The following CEP162 variants were observed in gnomAD, a reference collection of about 807,000 sequenced individuals.
CEP162 encodes the protein centrosomal protein 162.
A neutral mutation model predicts 169.2 loss-of-function variants in CEP162; 141 were observed. The observed-to-expected ratio is 0.83, with a 90% CI of 0.73 to 0.96. The LOEUF is 0.96. Ranked by LOEUF, CEP162 falls within the 40% of genes least tolerant of loss-of-function variation. CEP162 has a pLI of 0.00. For synonymous variants in CEP162, 540 were observed against 526.4 expected (o/e 1.03, Z -0.35); for missense variants, 1,600 against 1,587.2 (o/e 1.01, Z -0.14).
intron 7 of CEP162, among the ~76,000 whole-genome samples, chr6:84,203,578 G>C (rs2099545515): frequency 6.6e-6 from 1 of 152,044 alleles, no homozygotes; most frequent in South Asian, 2.1e-4. Flanking sequence ...CTAAGTAGCT[G>C]GGACTACAGG....
intron 25 of CEP162, among the ~76,000 whole-genome samples, chr6:84,137,273 T>A (rs923955421): frequency 6.6e-6 from 1 of 152,214 alleles, no homozygotes; most frequent in Non-Finnish European, 1.5e-5. Context: ...TGTGGCCTTA[T>A]GGTTGTTGTG....
intron 24 of CEP162, 92 bp from the exon 25 acceptor site, chr6:84,146,877 T>C: frequency 1.8e-6 from 1 of 556,656 alleles, no homozygotes; most frequent in South Asian, 3.2e-5. Context: ...AAGGGAACTC[T>C]TATATACTGT....
intron 5 of CEP162, among the ~76,000 whole-genome samples, chr6:84,213,474 C>A (rs2050033331): frequency 6.6e-6 from 1 of 152,084 alleles, no homozygotes; most frequent in Non-Finnish European, 1.5e-5. Context: ...TGAATAGGAG[C>A]CTTAAAACAA....
intron 13 of CEP162, among the ~76,000 whole-genome samples, chr6:84,177,491 TCCTGCCTCCCA>T (rs1392778565): frequency 2.6e-5 from 4 of 152,158 alleles, no homozygotes; most frequent in Non-Finnish European, 5.9e-5. Flanking sequence ...CACTGTGCTG[TCCTGCCTCCCA>T]CCCAGAGGTT....
intron 24 of CEP162, among the ~76,000 whole-genome samples, chr6:84,147,521 T>C (rs2129198804): frequency 6.6e-6 from 1 of 152,162 alleles, no homozygotes; most frequent in Non-Finnish European, 1.5e-5. Context: ...TGATGAACAC[T>C]CAAGGTGACA....
intron 15 of CEP162, 30 bp downstream of exon 15, chr6:84,174,696 TA>T: frequency 3.9e-6 from 4 of 1,025,332 alleles, no homozygotes; most frequent in Non-Finnish European, 5.6e-6. Context: ...TTAATAAATA[TA>T]AAAAAATACC....
chr6:84,193,601 A>T lies in CEP162; in HGVS notation c.1109+8T>A. ...CCAATGACAAAACAATAAATAAAAA[A>T]TTCATACCTGACAGGTTGTAAATCA... On this transcript the variant is annotated splice_region_variant and intron_variant, in intron 11 of 26. Coordinates refer to ENST00000403245, the MANE Select transcript of CEP162 (RefSeq NM_014895.4). 6.6e-7 allele frequency: 1 copy of T among 1,517,574 alleles called. No individual in the cohort carries two copies. Among genetic ancestry groups the T allele is most frequent in the Non-Finnish European group, 8.9e-7 (1 of 1,120,670 alleles). The allele number at this position is 1,517,574 out of a possible 1,614,324, so 94.0% of individuals were successfully genotyped here.
intron 25 of CEP162, among the ~76,000 whole-genome samples, chr6:84,139,248 C>T (rs1265922758): frequency 1.3e-5 from 2 of 152,186 alleles, no homozygotes; most frequent in African/African-American, 4.8e-5. Context: ...GAGTTTCCTA[C>T]CATATATTTA....
At position 84,153,019 on chromosome 6, in the gene CEP162, A is replaced by G. The variant is rs76366046; in HGVS notation, c.3155T>C (p.Leu1052Pro). ...GTCTAATTCAGCATTCTGATGTTTA[A>G]GAACGTCTATTTCGGCTTCAAGGTT... ...VRNLEAEIDV[L>P]KHQNAELDVK... Residue 1052 changes from leucine to proline, a missense_variant, in exon 23 of 27, where the codon CTT (leucine) becomes CCT (proline). Physicochemically the swap from Leu to Pro is moderately conservative, Grantham distance 98. Coordinates refer to ENST00000403245, the MANE Select transcript of CEP162 (RefSeq NM_014895.4). 886 of 1,613,524 alleles carry G rather than the reference A, an allele frequency of 5.5e-4. 3 individuals are homozygous for G. The African/African-American group carries it at 8.7e-3, about 16-fold the overall frequency.
chr6:84,211,083 C>T (rs1227091862), intron 6 of CEP162, among the ~76,000 whole-genome samples: 1 of 151,644 alleles, frequency 6.6e-6, no homozygotes, highest in Non-Finnish European at 1.5e-5. Flanking sequence ...AAATAGCCAA[C>T]AGAAAAGACA....
intron 2 of CEP162, among the ~76,000 whole-genome samples, chr6:84,224,598 T>C (rs1380910137): frequency 6.6e-6 from 1 of 152,188 alleles, no homozygotes; most frequent in Non-Finnish European, 1.5e-5. Flanking sequence ...AAAATAAAGA[T>C]ATATAAACTA....
chr6:84,192,723 A>G (rs2127722454), intron 11 of CEP162, among the ~76,000 whole-genome samples: 2 of 152,376 alleles, frequency 1.3e-5, no homozygotes, highest in Middle Eastern at 6.8e-3. Context: ...TATGGAGATC[A>G]AAGACCTGAC....
At chr6:84,187,387 A>G (rs1365578509) in intron 11 of CEP162, among the ~76,000 whole-genome samples, 1 of 152,216 alleles carries the variant, frequency 6.6e-6, no homozygotes, top group East Asian at 1.9e-4. Context: ...AAGAATGTTT[A>G]AGAGGCTACC....
intron 25 of CEP162, among the ~76,000 whole-genome samples, chr6:84,141,613 G>A (rs2099516673): frequency 6.6e-6 from 1 of 152,132 alleles, no homozygotes; most frequent in South Asian, 2.1e-4. Context: ...ATGCCCAGCT[G>A]CCTACTAACT....
rs1358122712 is a variant in CEP162, at chr6:84,159,540, T to TAC, written c.2781+1271_2781+1272insGT. Among the ~76,000 whole-genome samples the TAC allele has an allele frequency of 1.7e-4, 8 of 47,314 alleles. No homozygotes were observed. The East Asian group carries it at 4.3e-3, about 25-fold the overall frequency. 31.0% of individuals were successfully genotyped at this position (47,314 alleles called of 152,430 possible). ...TTAATTATTTATATATATATATATA[T>TAC]ATATATATTTTTTTTTTTTTTTTTT... On this transcript the variant is annotated intron_variant, in intron 21 of 26. Transcript: ENST00000403245.
At chr6:84,171,932 G>GA (rs567854281) in intron 16 of CEP162, among the ~76,000 whole-genome samples, 397 of 152,198 alleles carry the variant, frequency 2.6e-3, no homozygotes, top group Non-Finnish European at 4.7e-3. Flanking sequence ...ATGGCTAATT[G>GA]AAAAAATAAT....
At chr6:84,226,498 T>A in intron 1 of CEP162, 46 bp from the exon 2 acceptor site, 1 of 823,918 alleles carries the variant, frequency 1.2e-6, no homozygotes, top group Non-Finnish European at 2.0e-6. Context: ...ATCCATCAGA[T>A]CATGAACACG....
At chr6:84,172,893 TA>T (rs1327099372) in intron 16 of CEP162, among the ~76,000 whole-genome samples, 8 of 152,276 alleles carry the variant, frequency 5.3e-5, no homozygotes, top group African/African-American at 1.9e-4. Context: ...AGAACAAAGA[TA>T]AAGTCTTATG....
chr6:84,160,276 T>C (rs2099525233), intron 21 of CEP162, among the ~76,000 whole-genome samples: 2 of 152,220 alleles, frequency 1.3e-5, no homozygotes, highest in South Asian at 4.1e-4. Context: ...AAATCTTTAT[T>C]TTAATAAGCT....
Sources: allele counts gnomAD v4.1 joint callset (sites outside exome capture counted in the v4.1 genomes callset), GRCh38; gene constraint gnomAD v4.1.1; transcripts MANE v1.5; gene names NCBI Gene and HGNC (gene_info 2026-07-23, HGNC 2026-07-21).